PPP6R2: variants seen among roughly 807,000 people sequenced by gnomAD.
PPP6R2 encodes protein phosphatase 6 regulatory subunit 2.
Under a neutral mutation model 100.2 loss-of-function variants are expected in PPP6R2, and 62 were observed. That is an observed-to-expected ratio of 0.62 (90% CI 0.50 to 0.76). PPP6R2 has a LOEUF of 0.76. Among genes scored for constraint, PPP6R2 ranks in the 30% least tolerant of loss-of-function variants. PPP6R2 has a pLI of 0.00. For missense variants in PPP6R2, 1,142 were observed against 1,276.3 expected, an observed-to-expected ratio of 0.89 and a Z score of 1.60; for synonymous variants, 525 against 514.7, an observed-to-expected ratio of 1.02 and a Z score of -0.27.
chr22:50,444,555 C>T lies in PPP6R2; in HGVS notation c.*308C>T, dbSNP rs2066625014. The T allele has an allele frequency of 2.7e-6, 1 of 364,224 alleles. No individual in the cohort carries two copies. Among genetic ancestry groups the T allele is most frequent in the African/African-American group, 2.2e-5 (1 of 45,732 alleles). 22.6% of individuals were successfully genotyped at this position (364,224 alleles called of 1,614,324 possible). On this transcript the variant is annotated 3_prime_UTR_variant, in exon 24 of 24. Transcript: ENST00000612753. ...GGGGGTGGGGGTGGGGGGGGCAGGA[C>T]CCTGAGATGCCACCAGGACCTGATG... is the stretch of plus-strand genomic sequence containing the variant.
At position 50,444,930 on chromosome 22, in the gene PPP6R2, A is replaced by G. The variant is rs1076780; in HGVS notation, c.*683A>G. On this transcript the variant is annotated 3_prime_UTR_variant, in exon 24 of 24. Coordinates refer to ENST00000612753, the MANE Select transcript of PPP6R2 (RefSeq NM_001242898.2). ...AGGTGGGGGGACATGGTGTGGCACT[A>G]GGGGCTCGAAGACTGGTTTCTAGCA... 0.79 allele frequency: 121,257 copies of G among 152,562 alleles called. 48,715 individuals are homozygous for G. Among genetic ancestry groups the G allele is most frequent in the East Asian group, 0.97 (4,975 of 5,152 alleles). The allele number at this position is 152,562 out of a possible 1,614,324, so 9.5% of individuals were successfully genotyped here.
intron 1 of PPP6R2, among the ~76,000 whole-genome samples, chr22:50,359,065 T>C (rs560519856): frequency 7.4e-6 from 1 of 135,312 alleles, no homozygotes; most frequent in South Asian, 2.6e-4. Context: ...AGTGGCGCGA[T>C]CTCCACTCAC....
At chr22:50,343,210 G>T (rs1020297578), upstream of PPP6R2, 2 of 151,292 alleles carry the variant, frequency 1.3e-5, no homozygotes, top group African/African-American at 2.4e-5. Context: ...ACTCCAGGGG[G>T]CCCGGAGAGC....
intron 4 of PPP6R2, among the ~76,000 whole-genome samples, chr22:50,409,260 A>C (rs2059408102): frequency 6.6e-6 from 1 of 152,164 alleles, no homozygotes; most frequent in African/African-American, 2.4e-5. Context: ...CTTCATTATG[A>C]ATTCTTTCAA....
At chr22:50,349,723 G>C (rs536793399) in intron 1 of PPP6R2, among the ~76,000 whole-genome samples, 40 of 151,182 alleles carry the variant, frequency 2.6e-4, no homozygotes, top group African/African-American at 9.7e-4. Context: ...GCTGAGGCAG[G>C]AGAATTGCTT....
At chr22:50,430,120 T>A (rs2062863894) in intron 10 of PPP6R2, among the ~76,000 whole-genome samples, 1 of 152,216 alleles carries the variant, frequency 6.6e-6, no homozygotes, top group Non-Finnish European at 1.5e-5. Context: ...GGCGAGTGCG[T>A]CAGACCTATG....
At chr22:50,400,488 G>A (rs373836991) in intron 3 of PPP6R2, among the ~76,000 whole-genome samples, 1 of 152,302 alleles carries the variant, frequency 6.6e-6, no homozygotes, top group East Asian at 1.9e-4. Context: ...TCACAAGTCT[G>A]ATGTAGCAAG....
At chr22:50,336,693 C>G in the PPP6R2 span, among the ~76,000 whole-genome samples, 1 of 152,034 alleles carries the variant, frequency 6.6e-6, no homozygotes, top group East Asian at 1.9e-4. Flanking sequence ...CACACCTGGC[C>G]TGTTCCTTCT....
In PPP6R2 at chr22:50,438,167, T is replaced by G; in HGVS notation, c.1840-7T>G. On this transcript the variant is annotated splice_polypyrimidine_tract_variant and splice_region_variant and intron_variant, in intron 17 of 23. Transcript: ENST00000612753. The stretch of plus-strand genomic sequence containing the variant: ...CTGGAAACTCACCTTGGCGTTTTAC[T>G]CTGCAGCCCAGCGCAGCTCTGTTTG... The G allele has an allele frequency of 6.2e-7, 1 of 1,607,884 alleles. No individual in the cohort carries two copies. Among genetic ancestry groups the G allele is most frequent in the Non-Finnish European group, 8.5e-7 (1 of 1,177,502 alleles).
rs990780626 is a variant in PPP6R2, at chr22:50,435,072, G to A, written c.1507G>A (p.Val503Ile). Reference protein sequence around the residue: ...RGPVQTHISEVIRGLPADCRG... With the variant: ...RGPVQTHISEIIRGLPADCRG... ...CCCTGTGCAGACGCACATCAGCGAG[G>A]TCATCCGAGGTGAGCCCCCAACCCG... The change falls in exon 13 of 24, where the codon GTC becomes ATC. Residue 503 changes from valine to isoleucine, a missense_variant. By Grantham distance (29) the Val-to-Ile change is conservative (BLOSUM62 3). Around this residue, in one of 2 missense-constraint regions of PPP6R2, gnomAD observed 592 missense variants for 758.9 expected, o/e 0.78. Transcript: ENST00000612753. The A allele has an allele frequency of 6.5e-7, 1 of 1,547,778 alleles. No individual in the cohort carries two copies. Among genetic ancestry groups the A allele is most frequent in the Non-Finnish European group, 8.7e-7 (1 of 1,144,520 alleles).
chr22:50,434,219 T>C lies in PPP6R2; in HGVS notation c.1401-747T>C, dbSNP rs35381156. 5.6e-4 allele frequency among the ~76,000 whole-genome samples: 26 copies of C among 46,746 alleles called. 1 individual carries two copies. The highest frequency in any genetic ancestry group is 5.3e-4 in the Admixed American group (2 of 3,760). The allele number at this position is 46,746 out of a possible 152,430, so 30.7% of individuals were successfully genotyped here. A position where few individuals can be genotyped will look rare whatever the true frequency, so the allele number is the denominator to read the frequency against. On this transcript the variant is annotated intron_variant, in intron 12 of 23. Transcript: ENST00000612753. ...TCTGGAGGTGAACCTGGAGGAGGGC[T>C]GGGGGCATGGATGCTGGGCAGGGGC...
intron 10 of PPP6R2, among the ~76,000 whole-genome samples, chr22:50,425,623 A>G (rs1211987992): frequency 1.3e-5 from 2 of 152,152 alleles, no homozygotes; most frequent in Non-Finnish European, 2.9e-5. Context: ...CCTGTCAACA[A>G]AGTCTCCCCT....
chr22:50,405,298 G>GGGGGTGAGAGGCCTGGAGA (rs1569427596), intron 3 of PPP6R2, among the ~76,000 whole-genome samples: 1 of 90,640 alleles, frequency 1.1e-5, no homozygotes, highest in East Asian at 7.0e-4. Flanking sequence ...AGGCCTGGAG[G>GGGGGTGAGAGGCCTGGAGA]GAGGTGAGAG....
chr22:50,369,858 CCAA>C lies in PPP6R2; in HGVS notation c.-147-2161_-147-2159del, dbSNP rs1413220729. On this transcript the variant is annotated intron_variant, in intron 1 of 23. Coordinates refer to ENST00000612753, the MANE Select transcript of PPP6R2 (RefSeq NM_001242898.2). ...TCAAGCAGTCCTCCCACTCAGCCTCCCAAGTATCTGGGACCACAGGTGTGTGCC... is the reference window on the plus strand; with the variant it reads ...TCAAGCAGTCCTCCCACTCAGCCTCCGTATCTGGGACCACAGGTGTGTGCC... 3.3e-5 allele frequency among the ~76,000 whole-genome samples: 5 copies of C among 151,462 alleles called. No homozygotes were observed. The East Asian group carries it at 9.7e-4, about 29-fold the overall frequency.
intron 19 of PPP6R2, among the ~76,000 whole-genome samples, chr22:50,438,977 TGTG>T (rs768406972): frequency 5.9e-5 from 9 of 152,194 alleles, no homozygotes; most frequent in East Asian, 5.8e-4. Flanking sequence ...GCCTTGCAGT[TGTG>T]GTCACTCAGC....
At chr22:50,338,560 AGT>A (rs916492970), upstream of PPP6R2, among the ~76,000 whole-genome samples, 5 of 50,560 alleles carry the variant, frequency 9.9e-5, no homozygotes, top group South Asian at 8.7e-4. Context: ...TGTGGTATGT[AGT>A]GTGTGTGTTT....
At chr22:50,399,757 C>T (rs540096473) in intron 3 of PPP6R2, among the ~76,000 whole-genome samples, 6 of 152,232 alleles carry the variant, frequency 3.9e-5, no homozygotes, top group Non-Finnish European at 8.8e-5. Flanking sequence ...CCTGCTTCTG[C>T]GGAGCAGCCC....
intron 2 of PPP6R2, among the ~76,000 whole-genome samples, chr22:50,375,220 C>A (rs2051213841): frequency 6.6e-6 from 1 of 152,078 alleles, no homozygotes; most frequent in African/African-American, 2.4e-5. Context: ...GGTTAGACTA[C>A]CTTCTACTCC....
chr22:50,437,580 T>C lies in PPP6R2; in HGVS notation c.1758T>C (p.Phe586=), dbSNP rs1422303805. The change falls in exon 16 of 24, where the codon TTT becomes TTC. Residue 586 remains phenylalanine (F), a synonymous_variant. Coordinates refer to ENST00000612753, the MANE Select transcript of PPP6R2 (RefSeq NM_001242898.2). The part of the protein sequence containing the change: ...VDQFGFNDEE[F]ADQDDNINAP... ...AGTTTGGCTTCAATGATGAGGAGTT[T>C]GCCGACCAGGACGACAACATCAAGT... is the stretch of plus-strand genomic sequence containing the variant. 6.2e-7 allele frequency: 1 copy of C among 1,612,470 alleles called. No homozygotes were observed. The highest frequency in any genetic ancestry group is 2.2e-5 in the East Asian group (1 of 44,820).
Sources: gnomAD v4.1 joint callset for allele counts (sites outside exome capture counted in the v4.1 genomes callset) on GRCh38, gnomAD v4.1.1 for gene constraint, gnomAD v4.1.1 regional missense constraint, MANE v1.5 for transcripts, NCBI Gene and HGNC (gene_info 2026-07-23, HGNC 2026-07-21) for gene names.